The following KCNQ3 variants were observed in gnomAD, a reference collection of about 807,000 sequenced individuals.
KCNQ3 encodes potassium voltage-gated channel subfamily Q member 3.
In KCNQ3, 30 loss-of-function variants were observed where a neutral mutation model predicts 92.5. The observed-to-expected ratio is 0.32, with a 90% CI of 0.24 to 0.44. The LOEUF (loss-of-function observed/expected upper bound fraction) is 0.44. Among genes scored for constraint, KCNQ3 ranks in the 20% least tolerant of loss-of-function variants. The pLI is 1.00. For missense variants in KCNQ3, 913 were observed against 1,140.3 expected (o/e 0.80, Z 2.87); for synonymous variants, 450 against 468.8 (o/e 0.96, Z 0.52).
At chr8:132,252,461 T>A (rs1157719854) in intron 1 of KCNQ3, among the ~76,000 whole-genome samples, 3 of 152,062 alleles carry the variant, frequency 2.0e-5, no homozygotes, top group Non-Finnish European at 4.4e-5. Flanking sequence ...CTGCAGACCC[T>A]CGCAGTGAGT....
intron 1 of KCNQ3, among the ~76,000 whole-genome samples, chr8:132,232,030 G>A (rs890231230): frequency 5.9e-5 from 9 of 152,142 alleles, no homozygotes; most frequent in African/African-American, 1.9e-4. Flanking sequence ...GAGAGTTAAC[G>A]GAGCATCAGA....
intron 1 of KCNQ3, chr8:132,186,619 A>G: frequency 3.3e-6 from 1 of 305,028 alleles, no homozygotes; most frequent in Non-Finnish European, 6.4e-6. Flanking sequence ...GAAAACACAA[A>G]TTTATTCCAA....
intron 1 of KCNQ3, among the ~76,000 whole-genome samples, chr8:132,291,886 A>C (rs2130557084): frequency 6.6e-6 from 1 of 152,356 alleles, no homozygotes; most frequent in South Asian, 2.1e-4. Flanking sequence ...GGCCTCCATA[A>C]GTTGCAGATA....
In KCNQ3 at chr8:132,128,374, T is replaced by C. The variant is rs531915943; in HGVS notation, c.*888A>G. 39 of 152,330 alleles carry C rather than the reference T, an allele frequency of 2.6e-4. No homozygotes were observed. The highest frequency in any genetic ancestry group is 9.4e-4 in the African/African-American group (39 of 41,582). The allele number at this position is 152,330 out of a possible 1,614,324, so 9.4% of individuals were successfully genotyped here. On this transcript the variant is annotated 3_prime_UTR_variant, in exon 15 of 15. Coordinates refer to ENST00000388996, the MANE Select transcript of KCNQ3 (RefSeq NM_004519.4). ...TAGATGGATATTTTGTACTTCAGTA[T>C]CATGGGAAGAAATGAGAGTTGGAAA...
intron 1 of KCNQ3, among the ~76,000 whole-genome samples, chr8:132,217,735 A>C (rs1814088017): frequency 6.6e-6 from 1 of 151,132 alleles, no homozygotes; most frequent in Admixed American, 6.6e-5. Flanking sequence ...AAAAAACAAA[A>C]CACTGGGAGT....
At chr8:132,136,164 G>A (rs928748538) in intron 12 of KCNQ3, among the ~76,000 whole-genome samples, 5 of 147,382 alleles carry the variant, frequency 3.4e-5, no homozygotes, top group African/African-American at 1.0e-4. Flanking sequence ...GAAAGGCCAT[G>A]GAGAATTACA....
At chr8:132,321,714 T>A (rs1817897124) in intron 1 of KCNQ3, among the ~76,000 whole-genome samples, 1 of 152,194 alleles carries the variant, frequency 6.6e-6, no homozygotes, top group African/African-American at 2.4e-5. Flanking sequence ...CTAGCCAAAC[T>A]CATCTATGTT....
At position 132,121,169 on chromosome 8, in the gene KCNQ3, G is replaced by T. The variant is rs1824457168; in HGVS notation, c.*8093C>A. The T allele has an allele frequency of 6.6e-6, 1 of 152,088 alleles. No homozygotes were observed. 9.4% of individuals were successfully genotyped at this position (152,088 alleles called of 1,614,324 possible). On this transcript the variant is annotated 3_prime_UTR_variant, in exon 15 of 15. Transcript: ENST00000388996. Reference sequence around the variant, plus strand: ...GCACCAGAATTCTATGCCATAAAAAGGGGTTAAAAAATACAATCCAAAATC... The same window carrying T: ...GCACCAGAATTCTATGCCATAAAAATGGGTTAAAAAATACAATCCAAAATC...
intron 3 of KCNQ3, among the ~76,000 whole-genome samples, chr8:132,181,863 A>C (rs1004160204): frequency 2.0e-5 from 3 of 151,958 alleles, no homozygotes; most frequent in East Asian, 1.9e-4. Context: ...ACCATCCTGG[A>C]TAACATGTCT....
At chr8:132,351,398 A>G (rs545992925) in intron 1 of KCNQ3, among the ~76,000 whole-genome samples, 42 of 152,272 alleles carry the variant, frequency 2.8e-4, no homozygotes, top group African/African-American at 1.0e-3. Flanking sequence ...AACAAATCCA[A>G]ATGGAAAGCA....
chr8:132,333,065 T>C (rs199768291), intron 1 of KCNQ3, among the ~76,000 whole-genome samples: 17 of 149,656 alleles, frequency 1.1e-4, no homozygotes, highest in Non-Finnish European at 2.1e-4. Flanking sequence ...GGATGGAAGA[T>C]GAACAAAGGA....
intron 1 of KCNQ3, among the ~76,000 whole-genome samples, chr8:132,461,495 G>T (rs35682623): frequency 0.018 from 2,670 of 152,256 alleles, 51 homozygotes; most frequent in South Asian, 0.039. Context: ...AACCCAGGAG[G>T]TGAAGGTTGC....
intron 9 of KCNQ3, among the ~76,000 whole-genome samples, chr8:132,160,548 A>T (rs1165155305): frequency 6.6e-6 from 1 of 152,226 alleles, no homozygotes; most frequent in East Asian, 1.9e-4. Flanking sequence ...TAACAGGTGT[A>T]TATGTAAATA....
chr8:132,403,014 C>CAAAAAAAAAA (rs1214559891), intron 1 of KCNQ3, among the ~76,000 whole-genome samples: 1 of 2,424 alleles, frequency 4.1e-4, no homozygotes. Flanking sequence ...GAGGCACCAT[C>CAAAAAAAAAA]ACAAAAAAAA....
At chr8:132,341,642 C>T (rs1818531167) in intron 1 of KCNQ3, among the ~76,000 whole-genome samples, 1 of 152,176 alleles carries the variant, frequency 6.6e-6, no homozygotes, top group African/African-American at 2.4e-5. Context: ...CTGTCCATTC[C>T]ACTGTGGGCT....
At chr8:132,138,390 T>C (rs1204720257) in intron 11 of KCNQ3, among the ~76,000 whole-genome samples, 1 of 152,214 alleles carries the variant, frequency 6.6e-6, no homozygotes, top group Non-Finnish European at 1.5e-5. Context: ...CAGGGCCATA[T>C]AGCTAATAAG....
chr8:132,143,676 C>T (rs904664136), intron 9 of KCNQ3, among the ~76,000 whole-genome samples: 7 of 152,164 alleles, frequency 4.6e-5, no homozygotes, highest in Admixed American at 3.9e-4. Context: ...GAGTGCTCAG[C>T]CAACTGAGAT....
intron 1 of KCNQ3, chr8:132,277,916 C>G (rs1586889201): frequency 1.0e-6 from 1 of 983,104 alleles, no homozygotes; most frequent in Non-Finnish European, 1.2e-6. Flanking sequence ...GCTCCTACCT[C>G]CCTCTCCTTA....
At position 132,369,732 on chromosome 8, in the gene KCNQ3, G is replaced by A. The variant is rs149601486; in HGVS notation, c.386+110415C>T. 4.8e-4 allele frequency among the ~76,000 whole-genome samples: 73 copies of A among 152,232 alleles called. 2 individuals are homozygous for A. The highest frequency in any genetic ancestry group is 1.6e-3 in the African/African-American group (65 of 41,538). The stretch of plus-strand genomic sequence containing the variant: ...ACTCAGCAAATGGTGGTAGAGCCAG[G>A]ACTTAAACCCAGGTTCTGATCCTGG... On this transcript the variant is annotated intron_variant, in intron 1 of 14. Transcript: ENST00000388996.
Sources: allele counts gnomAD v4.1 joint callset (sites outside exome capture counted in the v4.1 genomes callset), GRCh38; gene constraint gnomAD v4.1.1; transcripts MANE v1.5; gene names NCBI Gene and HGNC (gene_info 2026-07-23, HGNC 2026-07-21).